The following ADGRE5 variants were observed in gnomAD, a reference collection of about 807,000 sequenced individuals.
ADGRE5 encodes CD97 molecule.
ADGRE5 carries 72 observed loss-of-function variants against 100.3 expected under a neutral mutation model. That is an observed-to-expected ratio of 0.72 (90% CI 0.59 to 0.87). The LOEUF (loss-of-function observed/expected upper bound fraction) is 0.87, where lower values mean the gene tolerates loss of function less well. ADGRE5 is among the 40% of genes least tolerant of loss of function. The pLI is 0.00. For missense variants in ADGRE5, 959 were observed against 1,094.7 expected, an observed-to-expected ratio of 0.88 and a Z score of 1.75; for synonymous variants, 439 against 447.8, an observed-to-expected ratio of 0.98 and a Z score of 0.25.
chr19:14,402,861 A>C lies in ADGRE5; in HGVS notation c.1448A>C (p.Lys483Thr), dbSNP rs1976071894. 1 of 1,613,684 alleles carries C rather than the reference A, an allele frequency of 6.2e-7. No homozygotes were observed. ...GAGGCGGGAAGAGACCCTCCTGCCA[A>C]GGTCTCTGCTCACTCTGCTCACTTC... ...DGEAGRDPPA[K>T]DVMPGPRQEL... is the part of the protein sequence containing the mutation. The change falls in exon 12 of 20, where the codon AAG becomes ACG. Residue 483 changes from lysine to threonine, a missense_variant and splice_region_variant. Lys to Thr is a moderately conservative substitution (Grantham distance 78). Coordinates refer to ENST00000242786, the MANE Select transcript of ADGRE5 (RefSeq NM_078481.4).
chr19:14,392,817 C>T (rs1316749820), intron 4 of ADGRE5, among the ~76,000 whole-genome samples: 2 of 151,548 alleles, frequency 1.3e-5, no homozygotes, highest in African/African-American at 4.9e-5. Context: ...GCACGAGAAT[C>T]GCTTGAACCT....
chr19:14,404,395 G>A lies in ADGRE5; in HGVS notation c.1462G>A (p.Gly488Arg), dbSNP rs1411510445. 1.9e-6 allele frequency: 3 copies of A among 1,609,540 alleles called. No individual in the cohort carries two copies. The highest frequency in any genetic ancestry group is 2.5e-6 in the Non-Finnish European group (3 of 1,178,824). The change falls in exon 13 of 20, where the codon GGG (glycine) becomes AGG (arginine). Residue 488 changes from glycine to arginine, a missense_variant. Physicochemically the swap from Gly to Arg is moderately radical, Grantham distance 125. Coordinates refer to ENST00000242786, the MANE Select transcript of ADGRE5 (RefSeq NM_078481.4). Reference sequence around the variant, plus strand: ...CATCTGCCCACAGGACGTGATGCCTGGGCCACGGCAGGAGCTGCTCTGTGC... The same window carrying A: ...CATCTGCCCACAGGACGTGATGCCTAGGCCACGGCAGGAGCTGCTCTGTGC... The part of the protein sequence containing the change: ...RDPPAKDVMP[G>R]PRQELLCAFW...
At position 14,398,140 on chromosome 19, in the gene ADGRE5, G is replaced by A. The variant is rs1568314429; in HGVS notation, c.897+1G>A. 5.0e-6 allele frequency: 8 copies of A among 1,613,992 alleles called. No homozygotes were observed. In the Admixed American group the frequency reaches 1.0e-4, roughly 20 times the overall value. On this transcript the variant is annotated splice_donor_variant, in intron 9 of 19. Coordinates refer to ENST00000242786, the MANE Select transcript of ADGRE5 (RefSeq NM_078481.4). LOFTEE classifies it high-confidence loss of function. ...AAGCTCAGCCGAGGTCACCATCCAG[G>A]TAAGGGCAGGATGCTGGGGGACCCC...
intron 3 of ADGRE5, among the ~76,000 whole-genome samples, chr19:14,389,080 G>T (rs1975465781): frequency 7.6e-6 from 1 of 131,836 alleles, no homozygotes; most frequent in South Asian, 2.6e-4. Context: ...AGAGTTTGAG[G>T]CTGCAGTGAG....
At chr19:14,382,256 A>T (rs1975184774) in intron 1 of ADGRE5, among the ~76,000 whole-genome samples, 1 of 152,200 alleles carries the variant, frequency 6.6e-6, no homozygotes, top group Non-Finnish European at 1.5e-5. Context: ...ACAGGGACAC[A>T]GCTTCCCTGG....
intron 1 of ADGRE5, among the ~76,000 whole-genome samples, chr19:14,381,922 G>A (rs1256936800): frequency 1.3e-5 from 2 of 151,914 alleles, no homozygotes; most frequent in Non-Finnish European, 1.5e-5. Flanking sequence ...AAGGACATGG[G>A]CGGGGGTGGG....
chr19:14,399,161 C>T (rs1202217556), intron 9 of ADGRE5, among the ~76,000 whole-genome samples: 2 of 151,682 alleles, frequency 1.3e-5, no homozygotes, highest in East Asian at 3.9e-4. Context: ...TCCTCATGGG[C>T]AACACAGGCA....
At chr19:14,388,187 C>G (rs537391362) in intron 1 of ADGRE5, among the ~76,000 whole-genome samples, 2 of 151,784 alleles carry the variant, frequency 1.3e-5, no homozygotes, top group Non-Finnish European at 2.9e-5. Flanking sequence ...ATGATTGCAC[C>G]ACTGCACTCC....
At chr19:14,402,363 G>C (rs111717059) in intron 11 of ADGRE5, among the ~76,000 whole-genome samples, 2,444 of 151,000 alleles carry the variant, frequency 0.016, 63 homozygotes, top group African/African-American at 0.054. Context: ...TGAACCTGGG[G>C]AGTGGAGGTT....
chr19:14,398,414 A>G (rs1975868555), intron 9 of ADGRE5: 4 of 419,884 alleles, frequency 9.5e-6, no homozygotes, highest in Admixed American at 3.8e-5. Context: ...TCACGCCTGT[A>G]ATCCCAGCAC....
At chr19:14,392,880 G>A (rs1009521352) in intron 4 of ADGRE5, among the ~76,000 whole-genome samples, 1 of 149,992 alleles carries the variant, frequency 6.7e-6, no homozygotes, top group Non-Finnish European at 1.5e-5. Flanking sequence ...TCCAGCTTAG[G>A]TGACAGAGCG....
chr19:14,383,633 C>T (rs1368251249), intron 1 of ADGRE5, among the ~76,000 whole-genome samples: 2 of 152,154 alleles, frequency 1.3e-5, no homozygotes, highest in East Asian at 1.9e-4. Flanking sequence ...CACCCCCCAC[C>T]CCAGGATCTC....
chr19:14,393,125 C>T (rs1207999031), intron 4 of ADGRE5, among the ~76,000 whole-genome samples: 5 of 151,084 alleles, frequency 3.3e-5, no homozygotes, highest in African/African-American at 4.9e-5. Context: ...GGCGTGAACC[C>T]GGGAGGCGGA....
In ADGRE5 at chr19:14,402,808, C is replaced by G; in HGVS notation, c.1395C>G (p.Ala465=). ...AACTCAACTCCCCCATCCTTTTCGC[C>G]TTCTCCCACCTTGAGTCCTCCGATG... The part of the protein sequence containing the change: ...TKELNSPILF[A]FSHLESSDGE... The change falls in exon 12 of 20, where the codon GCC becomes GCG. Residue 465 remains alanine (A), a synonymous_variant. Coordinates refer to ENST00000242786, the MANE Select transcript of ADGRE5 (RefSeq NM_078481.4). 6.2e-7 allele frequency: 1 copy of G among 1,614,102 alleles called. No individual in the cohort carries two copies. Among genetic ancestry groups the G allele is most frequent in the African/African-American group, 1.3e-5 (1 of 75,024 alleles).
chr19:14,392,359 A>C (rs1452954674), intron 4 of ADGRE5, among the ~76,000 whole-genome samples: 1 of 151,540 alleles, frequency 6.6e-6, no homozygotes, highest in East Asian at 2.0e-4. Context: ...GGAGGGCAGT[A>C]GTGTGATCTC....
intron 4 of ADGRE5, chr19:14,396,120 G>T (rs1474900529): frequency 2.9e-6 from 2 of 691,132 alleles, no homozygotes; most frequent in African/African-American, 3.7e-5. Flanking sequence ...AGCTGCCCAG[G>T]AAGGCAGAGG....
intron 9 of ADGRE5, among the ~76,000 whole-genome samples, chr19:14,399,851 A>G (rs1388891060): frequency 6.6e-6 from 1 of 151,886 alleles, no homozygotes; most frequent in African/African-American, 2.4e-5. Context: ...TTAGTTAGTT[A>G]GTTTTAGAGA....
intron 9 of ADGRE5, 117 bp downstream of exon 9, chr19:14,398,256 C>A (rs576463512): frequency 2.4e-6 from 2 of 848,888 alleles, no homozygotes; most frequent in East Asian, 5.1e-5. Flanking sequence ...GACACACATG[C>A]GCATAACATA....
intron 13 of ADGRE5, 73 bp from the exon 14 acceptor site, chr19:14,405,675 G>A (rs1451801185): frequency 8.7e-6 from 10 of 1,154,718 alleles, no homozygotes; most frequent in Non-Finnish European, 1.3e-5. Context: ...GTGTGGGGGG[G>A]AAAAGGGACC....
Sources: allele counts gnomAD v4.1 joint callset (sites outside exome capture counted in the v4.1 genomes callset), GRCh38; gene constraint gnomAD v4.1.1; transcripts MANE v1.5; gene names NCBI Gene and HGNC (gene_info 2026-07-23, HGNC 2026-07-21).